CPNE7: variants seen among roughly 807,000 people sequenced by gnomAD.
The protein encoded by CPNE7 is copine 7.
In CPNE7, 78 loss-of-function variants were observed where a neutral mutation model predicts 66.5. The observed-to-expected ratio is 1.17, with a 90% CI of 0.98 to 1.42. The LOEUF (loss-of-function observed/expected upper bound fraction) is 1.42, where lower values mean the gene tolerates loss of function less well. Ranked by LOEUF, CPNE7 falls within the 40% of genes most tolerant of loss-of-function variation. The probability of loss-of-function intolerance (pLI) is 0.00; values close to 1 mark genes in which losing one functional copy is unlikely to be tolerated. For synonymous variants in CPNE7, 468 were observed against 336.7 expected, an observed-to-expected ratio of 1.39 and a Z score of -4.27; for missense variants, 1,012 against 776.6, an observed-to-expected ratio of 1.30 and a Z score of -3.60.
intron 13 of CPNE7, among the ~76,000 whole-genome samples, chr16:89,594,551 A>G (rs904454397): frequency 8.6e-5 from 12 of 139,068 alleles, no homozygotes; most frequent in African/African-American, 2.7e-4. Flanking sequence ...GCTTCTCTTT[A>G]TGTTTCCCGT....
rs74590681 is a variant in CPNE7, at chr16:89,576,050, G to A, written c.153G>A (p.Gln51=). 8.9e-3 allele frequency: 11,690 copies of A among 1,314,248 alleles called. 514 individuals are homozygous for A. In the African/African-American group the frequency reaches 0.12, roughly 14 times the overall value. 81.4% of individuals were successfully genotyped at this position (1,314,248 alleles called of 1,614,324 possible). Residue 51 remains glutamine (Q), a synonymous_variant, in exon 1 of 15, where the codon CAG becomes CAA. Transcript: ENST00000319518. ...ACCCCAGCGTGGCGTTGCTGCAGCA[G>A]GCGCAGGGCCAGTGGGTGCAGGTAG... ...KSDPSVALLQ[Q]AQGQWVQVGR...
intron 8 of CPNE7, 93 bp downstream of exon 8, chr16:89,586,849 T>C: frequency 7.9e-7 from 1 of 1,267,850 alleles, no homozygotes; most frequent in Non-Finnish European, 1.1e-6. Flanking sequence ...ACCAGAGGCC[T>C]GGTGGGCCCC....
chr16:89,591,800 A>G (rs944215719), intron 13 of CPNE7, among the ~76,000 whole-genome samples: 17 of 151,400 alleles, frequency 1.1e-4, no homozygotes, highest in African/African-American at 3.6e-4. Context: ...CCCGGGGTTC[A>G]CGCCATTCTC....
At chr16:89,590,213 T>G (rs1477085251) in intron 11 of CPNE7, among the ~76,000 whole-genome samples, 1 of 152,206 alleles carries the variant, frequency 6.6e-6, no homozygotes, top group Non-Finnish European at 1.5e-5. Context: ...TGTGGAATCC[T>G]CTATTGCACA....
At chr16:89,587,203 T>A (rs565434123) in intron 9 of CPNE7, 101 bp downstream of exon 9, 3 of 230,734 alleles carry the variant, frequency 1.3e-5, no homozygotes, top group South Asian at 3.4e-5. Context: ...CCCCTCAGTC[T>A]GTGGCCCCGC....
chr16:89,578,045 CTT>C (rs1567950913), intron 2 of CPNE7, among the ~76,000 whole-genome samples: 1 of 147,730 alleles, frequency 6.8e-6, no homozygotes, highest in Non-Finnish European at 1.5e-5. Flanking sequence ...CACTTTTCCT[CTT>C]TTTTCTTTTT....
At chr16:89,587,621 CA>C (rs1311319923) in intron 9 of CPNE7, 24 of 452,496 alleles carry the variant, frequency 5.3e-5, no homozygotes, top group Non-Finnish European at 8.0e-5. Context: ...CTCTACGTGT[CA>C]TCCAAGGAGC....
At chr16:89,578,024 A>C (rs1426780289) in intron 2 of CPNE7, among the ~76,000 whole-genome samples, 1 of 151,950 alleles carries the variant, frequency 6.6e-6, no homozygotes, top group Admixed American at 6.6e-5. Context: ...CACAGGAGCA[A>C]ACCAGCCTAT....
intron 2 of CPNE7, among the ~76,000 whole-genome samples, chr16:89,582,647 C>T (rs1315291669): frequency 6.6e-6 from 1 of 152,266 alleles, no homozygotes; most frequent in East Asian, 1.9e-4. Flanking sequence ...ACTTGACTTC[C>T]CCAGCCCTGA....
chr16:89,578,705 A>T (rs1275668170), intron 2 of CPNE7: 2 of 1,159,590 alleles, frequency 1.7e-6, no homozygotes, highest in Non-Finnish European at 2.2e-6. Context: ...GGTTGCAGTG[A>T]GTGGAGATCT....
In CPNE7 at chr16:89,575,935, C is replaced by A; in HGVS notation, c.38C>A (p.Pro13His). The A allele has an allele frequency of 7.6e-7, 1 of 1,320,712 alleles. No individual in the cohort carries two copies. Among genetic ancestry groups the A allele is most frequent in the Non-Finnish European group, 9.7e-7 (1 of 1,035,496 alleles). 81.8% of individuals were successfully genotyped at this position (1,320,712 alleles called of 1,614,324 possible). A position where few individuals can be genotyped will look rare whatever the true frequency, so the allele number is the denominator to read the frequency against. The change falls in exon 1 of 15, where the codon CCC becomes CAC. Residue 13 changes from proline to histidine, a missense_variant. Coordinates refer to ENST00000319518, the MANE Select transcript of CPNE7 (RefSeq NM_153636.3). ...AGSERGAAAT[P>H]GGLPAPCASK... is the part of the protein sequence containing the mutation. The stretch of plus-strand genomic sequence containing the variant: ...TCGGAGCGCGGGGCGGCGGCAACCC[C>A]CGGGGGTTTGCCCGCGCCCTGCGCC...
At chr16:89,587,144 G>T in intron 9 of CPNE7, 42 bp downstream of exon 9, 1 of 1,253,040 alleles carries the variant, frequency 8.0e-7, no homozygotes, top group Non-Finnish European at 1.1e-6. Context: ...CTCAGTCCGT[G>T]GCCCCGCCCC....
intron 2 of CPNE7, among the ~76,000 whole-genome samples, chr16:89,578,296 C>G (rs2058892866): frequency 6.6e-6 from 1 of 152,032 alleles, no homozygotes; most frequent in African/African-American, 2.4e-5. Context: ...AAATCCTGAC[C>G]TCGTGATCCG....
chr16:89,585,731 C>G lies in CPNE7; in HGVS notation c.726C>G (p.Ile242Met), dbSNP rs764991302. 7.2e-6 allele frequency: 11 copies of G among 1,537,596 alleles called. No homozygotes were observed. Among genetic ancestry groups the G allele is most frequent in the Admixed American group, 6.0e-5 (3 of 49,640 alleles). ...DYDSRGKHDFIGEFSTTFEEM... is the reference protein window; with the variant it reads ...DYDSRGKHDFMGEFSTTFEEM... ...ACTCTCGAGGAAAGCACGACTTCAT[C>G]GGAGAATTCTCTACCACCTTCGAGG... Residue 242 changes from isoleucine to methionine, a missense_variant, in exon 7 of 15, where the codon ATC becomes ATG. By Grantham distance (10) the Ile-to-Met change is conservative. Transcript: ENST00000319518.
Position 89,584,075 on chromosome 16 carries a change from C to T in CPNE7, c.480C>T (p.Ser160=), listed in dbSNP as rs1224603913. 4.3e-6 allele frequency: 7 copies of T among 1,611,822 alleles called. No homozygotes were observed. The highest frequency in any genetic ancestry group is 1.1e-5 in the South Asian group (1 of 91,032). ...GGAACAACGGCTACGTGGAGCTCTC[C>T]TTCCGGGCCAGGAAGCTGGACGACA... ...ISGNNGYVEL[S]FRARKLDDKD... Residue 160 remains serine, a synonymous_variant, in exon 4 of 15, where the codon TCC becomes TCT. Coordinates refer to ENST00000319518, the MANE Select transcript of CPNE7 (RefSeq NM_153636.3). This position sits in a 1 kb window ranked among gnomAD's most constrained non-coding sequence, Gnocchi z 6.0.
In CPNE7 at chr16:89,584,984, G is replaced by T. The variant is rs1296058496; in HGVS notation, c.591+127G>T. The T allele has an allele frequency of 1.2e-6, 1 of 862,764 alleles. No homozygotes were observed. The highest frequency in any genetic ancestry group is 1.7e-5 in the African/African-American group (1 of 60,420). 53.4% of individuals were successfully genotyped at this position (862,764 alleles called of 1,614,324 possible). ...CTGTGGGCGCAGGGCTTTGGTGGCT[G>T]TGGCTATGGCCAGAATCCAACAGGG... On this transcript the variant is annotated intron_variant, in intron 5 of 14. Coordinates refer to ENST00000319518, the MANE Select transcript of CPNE7 (RefSeq NM_153636.3). The surrounding 1 kb of genome is among the most constrained non-coding windows in gnomAD (Gnocchi z 6.0).
Position 89,584,878 on chromosome 16 carries a change from A to T in CPNE7, c.591+21A>T, listed in dbSNP as rs557646009. ...CGGAGGTGAGCGGCCGGGGATGGGA[A>T]CACAGGGAGGGGAAGGGGCTGTCCC... On this transcript the variant is annotated intron_variant, in intron 5 of 14. Coordinates refer to ENST00000319518, the MANE Select transcript of CPNE7 (RefSeq NM_153636.3). The surrounding 1 kb of genome is among the most constrained non-coding windows in gnomAD (Gnocchi z 6.0). The T allele has an allele frequency of 6.2e-7, 1 of 1,606,554 alleles. No individual in the cohort carries two copies. The highest frequency in any genetic ancestry group is 2.2e-5 in the East Asian group (1 of 44,844).
rs2059043701 is a variant in CPNE7, at chr16:89,586,617, G to A, written c.781-53G>A. 7 of 1,457,774 alleles carry A rather than the reference G, an allele frequency of 4.8e-6. No homozygotes were observed. In the South Asian group the frequency reaches 5.7e-5, roughly 12 times the overall value. The allele number at this position is 1,457,774 out of a possible 1,614,324, so 90.3% of individuals were successfully genotyped here. A position where few individuals can be genotyped will look rare whatever the true frequency, so the allele number is the denominator to read the frequency against. ...GGATGGTCTTGGGTAGGGTCTCCCTGGTAGGTGTTCAGAGCCACCACTCTG... is the reference window on the plus strand; with the variant it reads ...GGATGGTCTTGGGTAGGGTCTCCCTAGTAGGTGTTCAGAGCCACCACTCTG... On this transcript the variant is annotated intron_variant, in intron 7 of 14. Transcript: ENST00000319518.
intron 3 of CPNE7, 99 bp downstream of exon 3, chr16:89,583,870 G>A (rs2058994196): frequency 2.0e-6 from 3 of 1,476,510 alleles, no homozygotes; most frequent in Non-Finnish European, 1.9e-6. Flanking sequence ...CGTCCAGGGA[G>A]GGTCTGCAGG....
Sources: gnomAD v4.1 joint callset for allele counts (sites outside exome capture counted in the v4.1 genomes callset) on GRCh38, gnomAD v4.1.1 for gene constraint, Gnocchi (gnomAD v3.1) non-coding constraint, MANE v1.5 for transcripts, NCBI Gene and HGNC (gene_info 2026-07-23, HGNC 2026-07-21) for gene names.